The following LRCH1 variants were observed in gnomAD, a reference collection of about 807,000 sequenced individuals.
The protein encoded by LRCH1 is leucine rich repeats and calponin homology domain containing 1, also known as leucine-rich repeat and calponin homology domain-containing protein 1.
In LRCH1, 23 loss-of-function variants were observed where a neutral mutation model predicts 94.9. That is an observed-to-expected ratio of 0.24 (90% CI 0.17 to 0.34). The LOEUF is 0.34. Ranked by LOEUF, LRCH1 falls within the 10% of genes least tolerant of loss-of-function variation. The pLI is 1.00. For synonymous variants in LRCH1, 364 were observed against 354.9 expected, an observed-to-expected ratio of 1.03 and a Z score of -0.29; for missense variants, 790 against 945.9, an observed-to-expected ratio of 0.84 and a Z score of 2.16.
At chr13:46,649,681 T>A (rs1461436167) in intron 1 of LRCH1, among the ~76,000 whole-genome samples, 3 of 152,074 alleles carry the variant, frequency 2.0e-5, no homozygotes. Flanking sequence ...CTACAAAAAT[T>A]AGCCAGGCAT....
At chr13:46,672,337 C>CA (rs573246835) in intron 3 of LRCH1, among the ~76,000 whole-genome samples, 1 of 147,798 alleles carries the variant, frequency 6.8e-6, no homozygotes, top group East Asian at 2.0e-4. Context: ...TGACAAGTTG[C>CA]TTTTTTTTTT....
At chr13:46,696,871 T>C (rs842401) in intron 9 of LRCH1, among the ~76,000 whole-genome samples, 125,336 of 152,012 alleles carry the variant, frequency 0.82, 52,261 homozygotes, top group African/African-American at 0.95. Flanking sequence ...GAGTTCAAGA[T>C]CAGCCTGGGC....
rs1873727574 is a variant in LRCH1 at position 46,742,670 on chromosome 13, G to A, written c.*822G>A. 2.0e-6 allele frequency: 2 copies of A among 985,338 alleles called. No homozygotes were observed. The highest frequency in any genetic ancestry group is 3.5e-5 in the African/African-American group (2 of 57,308). The allele number at this position is 985,338 out of a possible 1,614,324, so 61.0% of individuals were successfully genotyped here. The stretch of plus-strand genomic sequence containing the variant: ...GTTTTCCAGAGAGATTTCTATTTTT[G>A]AACAATGGAACGGATCACTGCTTTT... On this transcript the variant is annotated 3_prime_UTR_variant, in exon 20 of 20. Transcript: ENST00000389797.
At chr13:46,564,916 A>G (rs1485292629) in intron 1 of LRCH1, among the ~76,000 whole-genome samples, 9 of 152,178 alleles carry the variant, frequency 5.9e-5, no homozygotes, top group Non-Finnish European at 8.8e-5. Flanking sequence ...CTTAATTTCC[A>G]TGGGGCTATG....
chr13:46,554,391 C>T (rs1438454788), intron 1 of LRCH1, among the ~76,000 whole-genome samples: 1 of 152,224 alleles, frequency 6.6e-6, no homozygotes, highest in Non-Finnish European at 1.5e-5. Context: ...GCGATCGGCC[C>T]TCTTCCTTCC....
chr13:46,664,035 T>C (rs575599722), intron 2 of LRCH1, among the ~76,000 whole-genome samples: 227 of 152,286 alleles, frequency 1.5e-3, no homozygotes, highest in Non-Finnish European at 2.6e-3. Context: ...TTTATAGGAT[T>C]ATATGTTGTA....
intron 1 of LRCH1, among the ~76,000 whole-genome samples, chr13:46,620,550 G>T (rs12429886): frequency 0.062 from 9,428 of 152,198 alleles, 407 homozygotes; most frequent in East Asian, 0.21. Context: ...GGGAGAGTGT[G>T]TATTAATTAT....
intron 1 of LRCH1, among the ~76,000 whole-genome samples, chr13:46,611,356 C>A (rs2050745330): frequency 6.6e-6 from 1 of 152,106 alleles, no homozygotes; most frequent in African/African-American, 2.4e-5. Context: ...GGGTATGGAC[C>A]ACTTCTTCTG....
At chr13:46,721,824 C>T (rs984922882) in intron 16 of LRCH1, among the ~76,000 whole-genome samples, 1 of 152,196 alleles carries the variant, frequency 6.6e-6, no homozygotes, top group South Asian at 2.1e-4. Flanking sequence ...CTCAAGTCGA[C>T]GATTTAAGAT....
intron 2 of LRCH1, among the ~76,000 whole-genome samples, chr13:46,666,549 C>T (rs2051518810): frequency 6.6e-6 from 1 of 152,150 alleles, no homozygotes; most frequent in Non-Finnish European, 1.5e-5. Context: ...GTTAACTCTG[C>T]TAAAAATAGG....
rs191240229 is a variant in LRCH1 at position 46,712,171 on chromosome 13, A to T, written c.1581+327A>T. Among the ~76,000 whole-genome samples the T allele has an allele frequency of 3.3e-3, 497 of 152,320 alleles. 4 individuals carry two copies. Among genetic ancestry groups the T allele is most frequent in the African/African-American group, 0.011 (468 of 41,574 alleles). ...GTGATTCAGTATTACTGAGTTCAGT[A>T]TTATCTGTTTCCTCATCAGATGTGC... On this transcript the variant is annotated intron_variant, in intron 14 of 19. Coordinates refer to ENST00000389797, the MANE Select transcript of LRCH1 (RefSeq NM_001164211.2).
intron 1 of LRCH1, among the ~76,000 whole-genome samples, chr13:46,602,041 A>G (rs890309234): frequency 2.0e-5 from 3 of 152,206 alleles, no homozygotes; most frequent in South Asian, 2.1e-4. Flanking sequence ...AGATCCAGCT[A>G]TGGTTTAAAG....
chr13:46,683,968 A>G (rs749643193), intron 4 of LRCH1, among the ~76,000 whole-genome samples: 6 of 152,086 alleles, frequency 3.9e-5, no homozygotes, highest in African/African-American at 9.7e-5. Flanking sequence ...GACTTTCCCT[A>G]TTTACTTATA....
At chr13:46,641,208 A>G (rs1048163939) in intron 1 of LRCH1, among the ~76,000 whole-genome samples, 3 of 152,104 alleles carry the variant, frequency 2.0e-5, no homozygotes, top group African/African-American at 7.2e-5. Flanking sequence ...TTCAGGATGG[A>G]TAGAAAGATG....
chr13:46,685,067 A>G (rs573126784), intron 4 of LRCH1, among the ~76,000 whole-genome samples: 45 of 152,160 alleles, frequency 3.0e-4, no homozygotes, highest in Non-Finnish European at 6.2e-4. Context: ...CCATCCCTTA[A>G]CAGATCCCAT....
intron 1 of LRCH1, among the ~76,000 whole-genome samples, chr13:46,630,393 A>C (rs1051672886): frequency 3.3e-5 from 5 of 152,238 alleles, no homozygotes; most frequent in African/African-American, 1.2e-4. Context: ...TTTCTCAGCA[A>C]ACTCAAAGAA....
chr13:46,718,052 G>C (rs1471868635), intron 16 of LRCH1, among the ~76,000 whole-genome samples: 1 of 152,150 alleles, frequency 6.6e-6, no homozygotes, highest in African/African-American at 2.4e-5. Context: ...TTTTTAACCT[G>C]ATAGTTTAAC....
chr13:46,638,725 G>T (rs2051122592), intron 1 of LRCH1, among the ~76,000 whole-genome samples: 1 of 152,222 alleles, frequency 6.6e-6, no homozygotes, highest in Non-Finnish European at 1.5e-5. Context: ...ATGGCCTCAT[G>T]CCTAAGATTA....
At chr13:46,704,019 T>C (rs553389431) in intron 11 of LRCH1, among the ~76,000 whole-genome samples, 6 of 152,270 alleles carry the variant, frequency 3.9e-5, no homozygotes, top group Non-Finnish European at 7.4e-5. Flanking sequence ...AATACTATGT[T>C]GTAAAATTTT....
Sources: gnomAD v4.1 joint callset for allele counts (sites outside exome capture counted in the v4.1 genomes callset) on GRCh38, gnomAD v4.1.1 for gene constraint, MANE v1.5 for transcripts, NCBI Gene and HGNC (gene_info 2026-07-23, HGNC 2026-07-21) for gene names.